PITPNB: variants seen among roughly 807,000 people sequenced by gnomAD.
The protein encoded by PITPNB is phosphatidylinositol transfer protein beta.
In PITPNB, 16 loss-of-function variants were observed where a neutral mutation model predicts 45.9. The observed-to-expected ratio is 0.35, with a 90% CI of 0.24 to 0.53. PITPNB has a LOEUF of 0.53. Among genes scored for constraint, PITPNB ranks in the 20% least tolerant of loss-of-function variants. The pLI is 0.93. For missense variants in PITPNB, 188 were observed against 330.5 expected (o/e 0.57, Z 3.34); for synonymous variants, 112 against 108.9 (o/e 1.03, Z -0.18).
chr22:27,873,839 G>A (rs1326223496), intron 7 of PITPNB, 24 bp from the exon 8 acceptor site: 1 of 1,510,850 alleles, frequency 6.6e-7, no homozygotes, highest in Non-Finnish European at 9.2e-7. Flanking sequence ...CAAAGTCAGA[G>A]GCAGAGAAGA....
chr22:27,877,840 A>G (rs1425294445), intron 7 of PITPNB, among the ~76,000 whole-genome samples: 1 of 152,168 alleles, frequency 6.6e-6, no homozygotes, highest in Non-Finnish European at 1.5e-5. Context: ...AAACTGCTTA[A>G]ATAACCATGC....
chr22:27,886,324 T>C (rs1262119671), intron 7 of PITPNB, among the ~76,000 whole-genome samples: 1 of 152,244 alleles, frequency 6.6e-6, no homozygotes, highest in Non-Finnish European at 1.5e-5. Flanking sequence ...AATAGTCATA[T>C]ACAGACTTCC....
intron 8 of PITPNB, among the ~76,000 whole-genome samples, chr22:27,863,202 CTGTT>C (rs1229959230): frequency 6.6e-6 from 1 of 152,132 alleles, no homozygotes; most frequent in South Asian, 2.1e-4. Flanking sequence ...GTTAAACTTC[CTGTT>C]TAACAAAGGT....
chr22:27,882,641 T>A (rs995724883), intron 7 of PITPNB, among the ~76,000 whole-genome samples: 2 of 152,232 alleles, frequency 1.3e-5, no homozygotes, highest in Admixed American at 6.5e-5. Context: ...AATTAAAATG[T>A]CTGTTCATTT....
intron 3 of PITPNB, among the ~76,000 whole-genome samples, chr22:27,898,770 G>T (rs1316122274): frequency 6.6e-6 from 1 of 152,126 alleles, no homozygotes; most frequent in Non-Finnish European, 1.5e-5. Flanking sequence ...GGAAGAGAAA[G>T]GTTCAATACA....
chr22:27,872,312 T>C (rs552296700), intron 8 of PITPNB, among the ~76,000 whole-genome samples: 2 of 152,100 alleles, frequency 1.3e-5, no homozygotes, highest in South Asian at 2.1e-4. Flanking sequence ...CAGGCTGGTA[T>C]TGAACTCCTG....
intron 7 of PITPNB, among the ~76,000 whole-genome samples, chr22:27,877,869 G>A (rs1934864495): frequency 6.6e-6 from 1 of 152,070 alleles, no homozygotes; most frequent in African/African-American, 2.4e-5. Context: ...CTAGAGGTGA[G>A]GCTAAGTGTA....
intron 7 of PITPNB, among the ~76,000 whole-genome samples, chr22:27,875,167 T>C (rs373697851): frequency 9.2e-5 from 14 of 152,222 alleles, no homozygotes; most frequent in African/African-American, 3.4e-4. Context: ...AGTCTGTAAA[T>C]ATGTGACCCA....
chr22:27,884,594 C>A (rs893457904), intron 7 of PITPNB, among the ~76,000 whole-genome samples: 6 of 152,170 alleles, frequency 3.9e-5, no homozygotes, highest in African/African-American at 1.4e-4. Flanking sequence ...ATGGTCTTGG[C>A]ACTGTGGTCA....
chr22:27,893,120 G>GTACC (rs1935328429), intron 7 of PITPNB, among the ~76,000 whole-genome samples: 1 of 152,124 alleles, frequency 6.6e-6, no homozygotes, highest in South Asian at 2.1e-4. Flanking sequence ...AAAACAAAGG[G>GTACC]TACCACTCTT....
Position 27,858,421 on chromosome 22 carries a change from C to T in PITPNB, c.734G>A (p.Arg245Lys). 4 of 1,609,512 alleles carry T rather than the reference C, an allele frequency of 2.5e-6. No homozygotes were observed. The highest frequency in any genetic ancestry group is 2.7e-5 in the African/African-American group (2 of 74,904). ...TTCTTTCTGAGTCTCGTCTTCCATT[C>T]TCCTAATGTCTTCCATCGTGAGATC... is the stretch of plus-strand genomic sequence containing the variant. The part of the protein sequence containing the change: ...WIDLTMEDIR[R>K]MEDETQKELE... The change falls in exon 10 of 12, where the codon AGA (arginine) becomes AAA (lysine). Residue 245 changes from arginine (R) to lysine (K), a missense_variant. Coordinates refer to ENST00000335272, the MANE Select transcript of PITPNB (RefSeq NM_012399.5).
At chr22:27,911,196 A>AT in intron 2 of PITPNB, 87 bp from the exon 3 acceptor site, 1 of 869,248 alleles carries the variant, frequency 1.2e-6, no homozygotes, top group Non-Finnish European at 1.9e-6. Context: ...TATAGATGAT[A>AT]TAGAAAAGCA....
At chr22:27,858,323 C>A in intron 10 of PITPNB, 64 bp downstream of exon 10, 1 of 1,240,382 alleles carries the variant, frequency 8.1e-7, no homozygotes, top group South Asian at 1.4e-5. Context: ...CTGTATTTAC[C>A]AAGCATGTAT....
chr22:27,860,096 T>A (rs958529348), intron 9 of PITPNB, 35 bp downstream of exon 9: 5 of 1,266,200 alleles, frequency 3.9e-6, no homozygotes, highest in Non-Finnish European at 5.8e-6. Flanking sequence ...GATCTCATCC[T>A]AAATCTAAGT....
chr22:27,862,052 C>A lies in PITPNB; in HGVS notation c.535-1811G>T, dbSNP rs140229175. Among the ~76,000 whole-genome samples the A allele has an allele frequency of 6.6e-3, 1,012 of 152,250 alleles. 6 individuals are homozygous for A. Among genetic ancestry groups the A allele is most frequent in the African/African-American group, 0.022 (918 of 41,520 alleles). ...CGGGCTCTTCCCTCTTCACCACTGTCCCTGTCTTCACACGGTGGTGCCCAG... is the reference window on the plus strand; with the variant it reads ...CGGGCTCTTCCCTCTTCACCACTGTACCTGTCTTCACACGGTGGTGCCCAG... On this transcript the variant is annotated intron_variant, in intron 8 of 11. Coordinates refer to ENST00000335272, the MANE Select transcript of PITPNB (RefSeq NM_012399.5).
chr22:27,880,559 T>A (rs144408719), intron 7 of PITPNB, among the ~76,000 whole-genome samples: 2 of 152,220 alleles, frequency 1.3e-5, no homozygotes, highest in African/African-American at 4.8e-5. Flanking sequence ...AAATTAGGAA[T>A]AAACCTTAAA....
At chr22:27,909,336 G>T (rs1225104364) in intron 3 of PITPNB, among the ~76,000 whole-genome samples, 1 of 151,382 alleles carries the variant, frequency 6.6e-6, no homozygotes, top group East Asian at 1.9e-4. Flanking sequence ...CAAGTTCTGG[G>T]ATTATAGGCC....
chr22:27,917,694 C>T (rs1168954117), intron 1 of PITPNB, among the ~76,000 whole-genome samples: 2 of 152,054 alleles, frequency 1.3e-5, no homozygotes, highest in Non-Finnish European at 2.9e-5. Context: ...CTATTACATG[C>T]GAGGGACTAT....
At chr22:27,894,739 G>A in intron 6 of PITPNB, 101 bp from the exon 7 acceptor site, 1 of 571,598 alleles carries the variant, frequency 1.7e-6, no homozygotes, top group Non-Finnish European at 3.0e-6. Flanking sequence ...GACATTATAG[G>A]GAATTAAAAG....
Sources: gnomAD v4.1 joint callset for allele counts (sites outside exome capture counted in the v4.1 genomes callset) on GRCh38, gnomAD v4.1.1 for gene constraint, MANE v1.5 for transcripts, NCBI Gene and HGNC (gene_info 2026-07-23, HGNC 2026-07-21) for gene names.